TRIM55: variants seen among roughly 807,000 people sequenced by gnomAD.
TRIM55 encodes the protein tripartite motif-containing protein 55.
Under a neutral mutation model 60.9 loss-of-function variants are expected in TRIM55, and 50 were observed. The ratio of observed to expected loss-of-function variants is 0.82; its 90% CI spans 0.65 to 1.04. The LOEUF is 1.04. Among genes scored for constraint, TRIM55 ranks in the 50% least tolerant of loss-of-function variants. TRIM55 has a pLI of 0.00. For missense variants in TRIM55, 681 were observed against 666.9 expected, an observed-to-expected ratio of 1.02 and a Z score of -0.23; for synonymous variants, 237 against 238.1, an observed-to-expected ratio of 1.00 and a Z score of 0.04.
chr8:66,135,270 G>A (rs1357927260), intron 3 of TRIM55, 115 bp downstream of exon 3: 4 of 1,094,404 alleles, frequency 3.7e-6, no homozygotes, highest in Non-Finnish European at 5.5e-6. Context: ...AAGCCACGCA[G>A]GGCCATGGGA....
chr8:66,124,395 G>A (rs1030488810), upstream of TRIM55, among the ~76,000 whole-genome samples: 4 of 152,140 alleles, frequency 2.6e-5, no homozygotes, highest in Admixed American at 6.5e-5. Context: ...ATGCTTGAGC[G>A]CGTGCCTGCA....
intron 9 of TRIM55, among the ~76,000 whole-genome samples, chr8:66,173,878 T>C (rs1363798397): frequency 6.6e-6 from 1 of 152,182 alleles, no homozygotes; most frequent in Admixed American, 6.5e-5. Flanking sequence ...TTTGATTTAA[T>C]ATAGATATGG....
chr8:66,152,293 C>A (rs1025357219), intron 7 of TRIM55, 84 bp from the exon 8 acceptor site: 257 of 1,483,426 alleles, frequency 1.7e-4, no homozygotes, highest in Non-Finnish European at 2.2e-4. Flanking sequence ...TTGACCTTAA[C>A]TAGGGCTATA....
chr8:66,114,086 C>G, the TRIM55 span, among the ~76,000 whole-genome samples: 373 of 130,726 alleles, frequency 2.9e-3, 36 homozygotes, highest in African/African-American at 1.0e-2. Context: ...AGAGACACCC[C>G]CCCCCCCATT....
chr8:66,134,947 C>G (rs182317829), intron 2 of TRIM55, 43 bp from the exon 3 acceptor site: 1 of 1,604,014 alleles, frequency 6.2e-7, no homozygotes, highest in Non-Finnish European at 8.5e-7. Flanking sequence ...TGAGATTGCC[C>G]CAGTGAGAGC....
At chr8:66,134,912 C>T in intron 2 of TRIM55, 78 bp from the exon 3 acceptor site, 3 of 1,481,116 alleles carry the variant, frequency 2.0e-6, no homozygotes, top group Non-Finnish European at 2.8e-6. Context: ...ATTTGCAAGG[C>T]AGAGCAACAT....
At chr8:66,174,310 C>T (rs912169174) in intron 9 of TRIM55, among the ~76,000 whole-genome samples, 161 bp from the exon 10 acceptor site, 2 of 151,724 alleles carry the variant, frequency 1.3e-5, no homozygotes, top group African/African-American at 4.8e-5. Flanking sequence ...ATAATCTGAG[C>T]TTGCTTTCTA....
chr8:66,149,672 C>G lies in TRIM55; in HGVS notation c.631C>G (p.Leu211Val). ...ATGTTGCAGAAAACAGAAACAAGAG[C>G]TTTGTGAGAAGTTTGATTACCTGTA... is the stretch of plus-strand genomic sequence containing the variant. The part of the protein sequence containing the change: ...EECCRKQKQE[L>V]CEKFDYLYGI... The change falls in exon 5 of 10, where the codon CTT becomes GTT. Residue 211 changes from leucine to valine, a missense_variant. Leu to Val is a conservative substitution (Grantham distance 32). Transcript: ENST00000315962. 6.2e-7 allele frequency: 1 copy of G among 1,613,986 alleles called. No homozygotes were observed. Among genetic ancestry groups the G allele is most frequent in the South Asian group, 1.1e-5 (1 of 91,086 alleles).
At chr8:66,156,372 C>T (rs1335960132) in intron 9 of TRIM55, among the ~76,000 whole-genome samples, 1 of 152,114 alleles carries the variant, frequency 6.6e-6, no homozygotes, top group Non-Finnish European at 1.5e-5. Context: ...GTGCACTTAC[C>T]AGCTATCAGG....
At chr8:66,130,659 CTTTTT>C (rs572999976) in intron 2 of TRIM55, among the ~76,000 whole-genome samples, 1 of 122,982 alleles carries the variant, frequency 8.1e-6, no homozygotes, top group Non-Finnish European at 1.7e-5. Context: ...ACCTAGCATT[CTTTTT>C]TTTTTTTTTT....
At chr8:66,154,006 T>TTC in intron 8 of TRIM55, 41 bp from the exon 9 acceptor site, 2 of 1,545,336 alleles carry the variant, frequency 1.3e-6, no homozygotes, top group African/African-American at 2.8e-5. Context: ...TCTTCTTCTT[T>TTC]TTTTTTTTCT....
intron 9 of TRIM55, among the ~76,000 whole-genome samples, chr8:66,154,672 C>T (rs1055846835): frequency 9.2e-5 from 14 of 152,228 alleles, no homozygotes; most frequent in East Asian, 1.9e-4. Context: ...TCCTTACCAA[C>T]GGCCACTTGC....
upstream of TRIM55, among the ~76,000 whole-genome samples, chr8:66,122,987 C>T (rs1808689816): frequency 6.6e-6 from 1 of 152,092 alleles, no homozygotes; most frequent in African/African-American, 2.4e-5. Context: ...ATAGAGAATC[C>T]CTTCCTTTTG....
chr8:66,130,491 A>G (rs1311648484), intron 2 of TRIM55, among the ~76,000 whole-genome samples: 2 of 147,832 alleles, frequency 1.4e-5, no homozygotes, highest in African/African-American at 2.5e-5. Flanking sequence ...CTCAGGGTAC[A>G]TTAGGTAACA....
intron 9 of TRIM55, 54 bp downstream of exon 9, chr8:66,154,388 T>C (rs916799959): frequency 1.3e-6 from 2 of 1,574,850 alleles, no homozygotes; most frequent in African/African-American, 2.7e-5. Flanking sequence ...AGGGTCCCAC[T>C]GGAACAGGCC....
Position 66,174,454 on chromosome 8 carries a change from AT to A in TRIM55, c.1525-13del. 2 of 1,608,518 alleles carry A rather than the reference AT, an allele frequency of 1.2e-6. No individual in the cohort carries two copies. The highest frequency in any genetic ancestry group is 3.4e-5 in the Admixed American group (2 of 58,872). ...CAAACCTCTTTTTTCTCTGATTCCCATTTTCTTCCATTGCAGATTGGATTTG... is the reference window on the plus strand; with the variant it reads ...CAAACCTCTTTTTTCTCTGATTCCCATTTCTTCCATTGCAGATTGGATTTG... On this transcript the variant is annotated splice_polypyrimidine_tract_variant and intron_variant, in intron 9 of 9. Transcript: ENST00000315962.
rs1015284762 is a variant in TRIM55, at chr8:66,155,009, A to G, written c.1524+675A>G. Among the ~76,000 whole-genome samples the G allele has an allele frequency of 9.9e-5, 15 of 152,282 alleles. No homozygotes were observed. The South Asian group carries it at 1.2e-3, about 13-fold the overall frequency. ...CCCTAACACTTGGTTAGATGTTTGC[A>G]TGTCTTGAAGAGTCCACAGAAGAAA... On this transcript the variant is annotated intron_variant, in intron 9 of 9. Coordinates refer to ENST00000315962, the MANE Select transcript of TRIM55 (RefSeq NM_184085.2).
intron 9 of TRIM55, chr8:66,155,673 C>G (rs779819099): frequency 6.2e-7 from 1 of 1,613,150 alleles, no homozygotes; most frequent in South Asian, 1.1e-5. Context: ...TTCACTACAT[C>G]TGGAGTCAGA....
intron 4 of TRIM55, among the ~76,000 whole-genome samples, chr8:66,137,778 A>G (rs961051921): frequency 1.4e-5 from 2 of 145,226 alleles, no homozygotes; most frequent in East Asian, 4.0e-4. Flanking sequence ...AAAAAAAAAA[A>G]TCTTGCTGAA....
Sources: allele counts gnomAD v4.1 joint callset (sites outside exome capture counted in the v4.1 genomes callset), GRCh38; gene constraint gnomAD v4.1.1; transcripts MANE v1.5; gene names NCBI Gene and HGNC (gene_info 2026-07-23, HGNC 2026-07-21).